Variants in XPR1 observed in about 807,000 individuals in gnomAD.
XPR1 encodes xenotropic and polytropic retrovirus receptor 1, also known as solute carrier family 53 member 1.
XPR1 carries 28 observed loss-of-function variants against 87.5 expected under a neutral mutation model. The observed-to-expected ratio is 0.32, with a 90% CI of 0.24 to 0.44. XPR1 has a LOEUF of 0.44. Among genes scored for constraint, XPR1 ranks in the 20% least tolerant of loss-of-function variants. XPR1 has a pLI of 1.00. For synonymous variants in XPR1, 300 were observed against 306.1 expected, an observed-to-expected ratio of 0.98 and a Z score of 0.21; for missense variants, 559 against 862.3, an observed-to-expected ratio of 0.65 and a Z score of 4.41.
In XPR1 at chr1:180,880,146, C is replaced by T. The variant is rs1486946145; in HGVS notation, c.1879C>T (p.Arg627Trp). Residue 627 changes from arginine to tryptophan, a missense_variant, in exon 14 of 15, where the codon CGG (arginine) becomes TGG (tryptophan). By Grantham distance (101) the Arg-to-Trp change is moderately radical (BLOSUM62 -3). Coordinates refer to ENST00000367590, the MANE Select transcript of XPR1 (RefSeq NM_004736.4). ...LNNCGEFRAV[R>W]DISVAPLNAD... The stretch of plus-strand genomic sequence containing the variant: ...TAACTGTGGTGAATTCCGTGCTGTG[C>T]GGGACATCTCTGTGGCCCCCCTGAA... 1 of 1,614,126 alleles carries T rather than the reference C, an allele frequency of 6.2e-7. No homozygotes were observed. Among genetic ancestry groups the T allele is most frequent in the Non-Finnish European group, 8.5e-7 (1 of 1,180,028 alleles).
chr1:180,689,539 T>C (rs1033742537), intron 2 of XPR1, among the ~76,000 whole-genome samples: 2 of 151,974 alleles, frequency 1.3e-5, no homozygotes, highest in African/African-American at 2.4e-5. Flanking sequence ...ATAGCACATA[T>C]TAGATAACAG....
intron 2 of XPR1, among the ~76,000 whole-genome samples, chr1:180,744,323 T>C (rs1276076763): frequency 6.6e-6 from 1 of 152,168 alleles, no homozygotes; most frequent in Non-Finnish European, 1.5e-5. Flanking sequence ...TATTTAGAAC[T>C]TTTTTTAATT....
At chr1:180,751,264 A>G (rs10914088) in intron 2 of XPR1, among the ~76,000 whole-genome samples, 6,519 of 152,028 alleles carry the variant, frequency 0.043, 494 homozygotes, top group African/African-American at 0.15. Flanking sequence ...CAACCCACAA[A>G]CTACAAGGCA....
chr1:180,841,108 C>A (rs1224997676), intron 11 of XPR1, among the ~76,000 whole-genome samples: 2 of 151,612 alleles, frequency 1.3e-5, no homozygotes, highest in African/African-American at 4.9e-5. Flanking sequence ...TTTGTTTTTA[C>A]CACAGTTTTT....
At position 180,888,644 on chromosome 1, in the gene XPR1, C is replaced by G. The variant is rs1653092082; in HGVS notation, c.*4578C>G. 6.6e-6 allele frequency: 1 copy of G among 151,572 alleles called. No homozygotes were observed. The highest frequency in any genetic ancestry group is 2.4e-5 in the African/African-American group (1 of 41,398). 9.4% of individuals were successfully genotyped at this position (151,572 alleles called of 1,614,324 possible). ...TGTTCATATTCTTTTTCTGAGTGAT[C>G]TAAATTTTTCTTGCTTGTGATCATT... On this transcript the variant is annotated 3_prime_UTR_variant, in exon 15 of 15. Coordinates refer to ENST00000367590, the MANE Select transcript of XPR1 (RefSeq NM_004736.4).
chr1:180,680,211 AAAAACAAAAC>A (rs575837051), intron 1 of XPR1, among the ~76,000 whole-genome samples: 1 of 151,984 alleles, frequency 6.6e-6, no homozygotes, highest in Admixed American at 6.6e-5. Flanking sequence ...CAAAACGACA[AAAAACAAAAC>A]AAAACAAAAC....
intron 2 of XPR1, among the ~76,000 whole-genome samples, chr1:180,772,737 C>T (rs556095090): frequency 1.3e-5 from 2 of 152,302 alleles, no homozygotes; most frequent in African/African-American, 2.4e-5. Context: ...CTGGCATCCG[C>T]GTAAGATGTG....
intron 3 of XPR1, 138 bp from the exon 4 acceptor site, chr1:180,803,250 C>A: frequency 1.3e-6 from 1 of 746,980 alleles, no homozygotes; most frequent in Non-Finnish European, 2.1e-6. Context: ...ATATTTTTTC[C>A]TATAGAGTTC....
intron 2 of XPR1, among the ~76,000 whole-genome samples, chr1:180,696,622 G>A (rs10914073): frequency 0.043 from 6,535 of 152,130 alleles, 502 homozygotes; most frequent in African/African-American, 0.15. Flanking sequence ...TTGGCTGTGG[G>A]TTTGTCATAT....
chr1:180,799,008 T>C (rs998569991), intron 3 of XPR1, among the ~76,000 whole-genome samples: 1 of 152,188 alleles, frequency 6.6e-6, no homozygotes, highest in Non-Finnish European at 1.5e-5. Context: ...GCTCCTATTA[T>C]GTTTCAGCAG....
chr1:180,794,507 A>G (rs1649500904), intron 3 of XPR1, among the ~76,000 whole-genome samples: 1 of 152,242 alleles, frequency 6.6e-6, no homozygotes, highest in South Asian at 2.1e-4. Context: ...AATTACATGT[A>G]CTTTTTAAAG....
intron 3 of XPR1, among the ~76,000 whole-genome samples, chr1:180,802,852 C>T (rs986617878): frequency 1.3e-5 from 2 of 152,166 alleles, no homozygotes; most frequent in Non-Finnish European, 2.9e-5. Context: ...TGAATTAGCA[C>T]TTCATTCTTT....
chr1:180,705,292 C>T lies in XPR1; in HGVS notation c.121+22881C>T, dbSNP rs556807433. ...TCGTGTTTCCTGATGAGAAATTGACCAGCTATGTGTTTACTGTAAGAGGTG... is the reference window on the plus strand; with the variant it reads ...TCGTGTTTCCTGATGAGAAATTGACTAGCTATGTGTTTACTGTAAGAGGTG... On this transcript the variant is annotated intron_variant, in intron 2 of 14. Transcript: ENST00000367590. Among the ~76,000 whole-genome samples the T allele has an allele frequency of 5.3e-5, 8 of 152,136 alleles. 1 individual carries two copies. The South Asian group carries it at 1.0e-3, about 20-fold the overall frequency.
intron 2 of XPR1, among the ~76,000 whole-genome samples, chr1:180,740,339 C>G (rs950060898): frequency 2.0e-5 from 3 of 151,960 alleles, no homozygotes; most frequent in Non-Finnish European, 4.4e-5. Context: ...GAACTTTTTT[C>G]CTATTTCTAG....
intron 2 of XPR1, among the ~76,000 whole-genome samples, chr1:180,765,505 A>T (rs1057222238): frequency 6.6e-6 from 1 of 152,160 alleles, no homozygotes. Context: ...TTTCAAATAC[A>T]GTTGTCCTTT....
rs1009441967 is a variant in XPR1 at position 180,647,902 on chromosome 1, C to CAA, written c.69+15654_69+15655dup. 2.1e-3 allele frequency among the ~76,000 whole-genome samples: 117 copies of CAA among 55,586 alleles called. 2 individuals are homozygous for CAA. The highest frequency in any genetic ancestry group is 4.3e-3 in the South Asian group (5 of 1,174). The allele number at this position is 55,586 out of a possible 152,430, so 36.5% of individuals were successfully genotyped here. A position where few individuals can be genotyped will look rare whatever the true frequency, so the allele number is the denominator to read the frequency against. On this transcript the variant is annotated intron_variant, in intron 1 of 14. Transcript: ENST00000367590. Reference sequence around the variant, plus strand: ...GGTGACAGAGTGAGACTCTTATCTGCAAAAAAAAAAAAAAAAAAAAAAAGG... The same window carrying CAA: ...GGTGACAGAGTGAGACTCTTATCTGCAAAAAAAAAAAAAAAAAAAAAAAAAGG...
chr1:180,704,274 A>ATATATATG (rs1378621484), intron 2 of XPR1, among the ~76,000 whole-genome samples: 2 of 141,690 alleles, frequency 1.4e-5, no homozygotes, highest in South Asian at 2.3e-4. Flanking sequence ...ATATATATAT[A>ATATATATG]TATTATCAGA....
intron 14 of XPR1, among the ~76,000 whole-genome samples, chr1:180,882,967 G>GTTTTTTTTTTT (rs1156645233): frequency 2.0e-5 from 3 of 150,536 alleles, no homozygotes; most frequent in African/African-American, 7.4e-5. Flanking sequence ...TTGGGGGTTG[G>GTTTTTTTTTTT]TTGTTTTTTT....
At chr1:180,810,847 G>A (rs552118998) in intron 6 of XPR1, among the ~76,000 whole-genome samples, 19 of 151,386 alleles carry the variant, frequency 1.3e-4, no homozygotes, top group East Asian at 5.8e-4. Flanking sequence ...ATATATAGTC[G>A]TTCCTTAGTA....
Sources: gnomAD v4.1 joint callset for allele counts (sites outside exome capture counted in the v4.1 genomes callset) on GRCh38, gnomAD v4.1.1 for gene constraint, MANE v1.5 for transcripts, NCBI Gene and HGNC (gene_info 2026-07-23, HGNC 2026-07-21) for gene names.